Variants in RNF43 observed in about 807,000 individuals in gnomAD.
The protein encoded by RNF43 is E3 ubiquitin-protein ligase RNF43.
A neutral mutation model predicts 78.4 loss-of-function variants in RNF43; 37 were observed. The ratio of observed to expected loss-of-function variants is 0.47; its 90% CI spans 0.36 to 0.62. RNF43 has a LOEUF of 0.62. RNF43 is among the 20% of genes least tolerant of loss of function. RNF43 has a pLI of 0.00. For missense variants in RNF43, 774 were observed against 1,007.9 expected, an observed-to-expected ratio of 0.77 and a Z score of 3.14; for synonymous variants, 347 against 395.0, an observed-to-expected ratio of 0.88 and a Z score of 1.44.
At chr17:58,397,837 T>C (rs1364568589) in intron 2 of RNF43, among the ~76,000 whole-genome samples, 1 of 152,160 alleles carries the variant, frequency 6.6e-6, no homozygotes. Flanking sequence ...TTGCCACAAA[T>C]AGCTATAAAT....
intron 2 of RNF43, among the ~76,000 whole-genome samples, chr17:58,397,179 T>C (rs1215516056): frequency 6.6e-6 from 1 of 152,210 alleles, no homozygotes; most frequent in African/African-American, 2.4e-5. Flanking sequence ...AGGATATTCA[T>C]TTAAAATGTG....
In RNF43 at chr17:58,370,060, GTTTTTTTTTTT is replaced by G. The variant is rs56372311; in HGVS notation, c.375+840_375+850del. Among the ~76,000 whole-genome samples the G allele has an allele frequency of 5.2e-4, 50 of 96,252 alleles. 1 individual carries two copies. The highest frequency in any genetic ancestry group is 1.3e-3 in the East Asian group (5 of 3,734). The allele number at this position is 96,252 out of a possible 152,430, so 63.1% of individuals were successfully genotyped here. On this transcript the variant is annotated intron_variant, in intron 3 of 9. Transcript: ENST00000407977. ...TCTTCTAAAGAAGCTGAAAATCTGA[GTTTTTTTTTTT>G]TTTTTTTTTTTTTTTGAGACAAAGT...
At chr17:58,388,047 C>T (rs1278538061) in intron 2 of RNF43, among the ~76,000 whole-genome samples, 1 of 151,960 alleles carries the variant, frequency 6.6e-6, no homozygotes, top group Non-Finnish European at 1.5e-5. Flanking sequence ...ATGCTTCAGG[C>T]ACTTTCCTTT....
intron 2 of RNF43, among the ~76,000 whole-genome samples, chr17:58,393,205 C>T (rs1048944896): frequency 6.6e-6 from 1 of 152,092 alleles, no homozygotes; most frequent in Admixed American, 6.5e-5. Context: ...GTCAGGAGTT[C>T]GAGACCAGCC....
Position 58,358,204 on chromosome 17 carries a change from AG to A in RNF43, c.1571del (p.Pro524LeufsTer3). ...AGGAACGAGGCCGAGAGGTCACACT[AG>A]GCTGCATGTCCACTCGCTGGGGATC... ...KGDPQRVDMQ[P>X]SVTSRPRSLD... On this transcript the variant is annotated frameshift_variant, in exon 9 of 10. Coordinates refer to ENST00000407977, the MANE Select transcript of RNF43 (RefSeq NM_017763.6). LOFTEE classifies it high-confidence loss of function. This position sits in a 1 kb window ranked among gnomAD's most constrained non-coding sequence, Gnocchi z 6.2. 6.2e-7 allele frequency: 1 copy of A among 1,613,134 alleles called. No homozygotes were observed. Among genetic ancestry groups the A allele is most frequent in the Non-Finnish European group, 8.5e-7 (1 of 1,179,496 alleles).
intron 5 of RNF43, 46 bp downstream of exon 5, chr17:58,363,229 A>G (rs779625197): frequency 1.9e-6 from 3 of 1,605,368 alleles, no homozygotes; most frequent in East Asian, 4.5e-5. Flanking sequence ...CACAGGACAA[A>G]GTAGGGCTAA....
intron 3 of RNF43, among the ~76,000 whole-genome samples, chr17:58,370,588 A>G (rs1973071269): frequency 6.6e-6 from 1 of 152,134 alleles, no homozygotes; most frequent in South Asian, 2.1e-4. Flanking sequence ...TATGTTTCTA[A>G]AAGATGGAAA....
At chr17:58,391,191 C>T (rs377213633) in intron 2 of RNF43, among the ~76,000 whole-genome samples, 15 of 152,180 alleles carry the variant, frequency 9.9e-5, no homozygotes, top group African/African-American at 3.6e-4. Flanking sequence ...AGCAGTGGGA[C>T]AAATAAAAAG....
At chr17:58,386,117 C>T (rs571365734) in intron 2 of RNF43, among the ~76,000 whole-genome samples, 13 of 147,214 alleles carry the variant, frequency 8.8e-5, no homozygotes, top group Non-Finnish European at 2.0e-4. Context: ...AAACAAAAAA[C>T]GAAAAAACAA....
intron 3 of RNF43, among the ~76,000 whole-genome samples, chr17:58,364,647 T>C (rs943252752): frequency 2.6e-5 from 4 of 152,190 alleles, no homozygotes; most frequent in African/African-American, 9.6e-5. Flanking sequence ...AGGTTCATCT[T>C]CTAATGGCAT....
At chr17:58,409,408 A>T (rs1319806478) in intron 2 of RNF43, among the ~76,000 whole-genome samples, 2 of 152,222 alleles carry the variant, frequency 1.3e-5, no homozygotes, top group Non-Finnish European at 2.9e-5. Flanking sequence ...CATTTTAAAA[A>T]ATCTACTGTA....
Position 58,415,710 on chromosome 17 carries a change from T to C in RNF43, c.-133A>G. On this transcript the variant is annotated 5_prime_UTR_variant, in exon 2 of 10. Transcript: ENST00000407977. ...TCCGTTTCAGAAAGCCAAGTCGTAG[T>C]TTTGGCCCTTCCTTTCTCTAAAGTT... is the stretch of plus-strand genomic sequence containing the variant. 1.9e-6 allele frequency: 2 copies of C among 1,046,622 alleles called. No homozygotes were observed. Among genetic ancestry groups the C allele is most frequent in the Non-Finnish European group, 2.7e-6 (2 of 737,302 alleles). 64.8% of individuals were successfully genotyped at this position (1,046,622 alleles called of 1,614,324 possible).
At chr17:58,386,454 C>G (rs901785563) in intron 2 of RNF43, among the ~76,000 whole-genome samples, 4 of 152,056 alleles carry the variant, frequency 2.6e-5, no homozygotes, top group Non-Finnish European at 4.4e-5. Flanking sequence ...ACAACAACAC[C>G]GTGCAAGAAG....
At chr17:58,399,336 C>T (rs1476250255) in intron 2 of RNF43, among the ~76,000 whole-genome samples, 1 of 152,108 alleles carries the variant, frequency 6.6e-6, no homozygotes, top group Non-Finnish European at 1.5e-5. Context: ...AAAATTTTTT[C>T]AGGGAGACAA....
intron 2 of RNF43, among the ~76,000 whole-genome samples, chr17:58,382,950 G>A (rs950364675): frequency 6.6e-6 from 1 of 152,140 alleles, no homozygotes; most frequent in African/African-American, 2.4e-5. Context: ...GATTTGTTAA[G>A]TTATTTTTTG....
chr17:58,406,770 A>T (rs6503862), intron 2 of RNF43, among the ~76,000 whole-genome samples: 126,040 of 149,276 alleles, frequency 0.84, 53,377 homozygotes, highest in East Asian at 0.99. Flanking sequence ...TTTTTTTTTT[A>T]AAATAGCAAA....
At chr17:58,402,828 G>A (rs145022150) in intron 2 of RNF43, 3 of 152,114 alleles carry the variant, frequency 2.0e-5, no homozygotes, top group Non-Finnish European at 4.4e-5. Context: ...CTGAGTTCAG[G>A]CCCTCAGGGT....
intron 2 of RNF43, among the ~76,000 whole-genome samples, chr17:58,374,373 C>A (rs531925111): frequency 1.3e-5 from 2 of 151,862 alleles, no homozygotes; most frequent in South Asian, 4.2e-4. Flanking sequence ...GATTCTTAGA[C>A]CCTCCTCTCT....
rs183214993 is a variant in RNF43, at chr17:58,355,682, T to A, written c.2309-696A>T. Among the ~76,000 whole-genome samples the A allele has an allele frequency of 8.5e-4, 129 of 152,288 alleles. 1 individual carries two copies. The highest frequency in any genetic ancestry group is 3.0e-3 in the African/African-American group (125 of 41,548). On this transcript the variant is annotated intron_variant, in intron 9 of 9. Coordinates refer to ENST00000407977, the MANE Select transcript of RNF43 (RefSeq NM_017763.6). ...CAAAGCAGGTTGGATTTTTCCTCTC[T>A]GTGGACAAACAGAACATTTGAAGAT... is the stretch of plus-strand genomic sequence containing the variant.
Sources: gnomAD v4.1 joint callset for allele counts (sites outside exome capture counted in the v4.1 genomes callset) on GRCh38, gnomAD v4.1.1 for gene constraint, Gnocchi (gnomAD v3.1) non-coding constraint, MANE v1.5 for transcripts, NCBI Gene and HGNC (gene_info 2026-07-23, HGNC 2026-07-21) for gene names.